PKHD1L1: variants seen among roughly 807,000 people sequenced by gnomAD.
PKHD1L1 encodes the protein fibrocystin-L.
PKHD1L1 carries 434 observed loss-of-function variants against 462.9 expected under a neutral mutation model. The ratio of observed to expected loss-of-function variants is 0.94; its 90% CI spans 0.87 to 1.02. The LOEUF (loss-of-function observed/expected upper bound fraction) is 1.02, where lower values mean the gene tolerates loss of function less well. PKHD1L1 is among the 50% of genes least tolerant of loss of function. The pLI is 0.00. For synonymous variants in PKHD1L1, 1,781 were observed against 1,750.0 expected (o/e 1.02, Z -0.44); for missense variants, 5,202 against 5,096.1 (o/e 1.02, Z -0.63).
intron 59 of PKHD1L1, among the ~76,000 whole-genome samples, chr8:109,487,831 T>C (rs1052910087): frequency 5.5e-5 from 8 of 144,410 alleles, no homozygotes; most frequent in African/African-American, 2.1e-4. Flanking sequence ...CTGGGCACTA[T>C]AGTGAGACCC....
At chr8:109,415,896 TG>T (rs1814142277) in intron 21 of PKHD1L1, among the ~76,000 whole-genome samples, 1 of 149,968 alleles carries the variant, frequency 6.7e-6, no homozygotes, top group Non-Finnish European at 1.5e-5. Flanking sequence ...TGTGTGTGTG[TG>T]TGTGTGTGTA....
rs1035182932 is a variant in PKHD1L1, at chr8:109,442,161, A to G, written c.4359A>G (p.Lys1453=). 1.2e-5 allele frequency: 20 copies of G among 1,612,744 alleles called. No homozygotes were observed. The highest frequency in any genetic ancestry group is 1.7e-5 in the Non-Finnish European group (20 of 1,179,382). Residue 1453 remains lysine, a synonymous_variant, in exon 35 of 78, where the codon AAA becomes AAG. Transcript: ENST00000378402. ...CTGGAAGTGTAATTTATGATGGCAA[A>G]GGATTCACAAGTGGAAGACAAAAAT... is the stretch of plus-strand genomic sequence containing the variant. ...SSPGSVIYDG[K]GFTSGRQKST... is the part of the protein sequence containing the mutation.
At chr8:109,514,792 G>T (rs887047862) in intron 71 of PKHD1L1, among the ~76,000 whole-genome samples, 1 of 151,888 alleles carries the variant, frequency 6.6e-6, no homozygotes, top group Non-Finnish European at 1.5e-5. Flanking sequence ...TTTTTCCAAC[G>T]TTAAGTACCT....
chr8:109,389,178 A>G (rs1586411297), intron 8 of PKHD1L1, 26 bp downstream of exon 8: 4 of 1,560,904 alleles, frequency 2.6e-6, no homozygotes, highest in Non-Finnish European at 3.5e-6. Flanking sequence ...CTTTCTTCAT[A>G]ATGCTCACAG....
chr8:109,441,893 A>G, intron 34 of PKHD1L1, 114 bp from the exon 35 acceptor site: 1 of 745,560 alleles, frequency 1.3e-6, no homozygotes, highest in East Asian at 3.2e-5. Flanking sequence ...ATTAAGTTTT[A>G]GTGTTGATTA....
At position 109,384,138 on chromosome 8, in the gene PKHD1L1, T is replaced by C; in HGVS notation, c.475+11T>C. On this transcript the variant is annotated intron_variant, in intron 5 of 77. Transcript: ENST00000378402. ...TATCTGGAACTCCAGGTCTGTTATA[T>C]GACATCTGAAATAACTTTTGGTTTC... 1 of 1,592,858 alleles carries C rather than the reference T, an allele frequency of 6.3e-7. No homozygotes were observed. The highest frequency in any genetic ancestry group is 1.1e-5 in the South Asian group (1 of 89,720).
rs776634414 is a variant in PKHD1L1, at chr8:109,491,071, G to A, written c.10084G>A (p.Asp3362Asn). 6.2e-7 allele frequency: 1 copy of A among 1,609,186 alleles called. No individual in the cohort carries two copies. Among genetic ancestry groups the A allele is most frequent in the Non-Finnish European group, 8.5e-7 (1 of 1,176,598 alleles). ...TGGGACAGATGGATTGGACATAGATGACAACATCATTCACTTTACAGTGGG... is the reference window on the plus strand; with the variant it reads ...TGGGACAGATGGATTGGACATAGATAACAACATCATTCACTTTACAGTGGG... Reference protein sequence around the residue: ...VFGTDGLDIDDNIIHFTVGEG... With the variant: ...VFGTDGLDIDNNIIHFTVGEG... The change falls in exon 61 of 78, where the codon GAC becomes AAC. Residue 3362 changes from aspartate to asparagine, a missense_variant. Physicochemically the swap from Asp to Asn is conservative, Grantham distance 23. Coordinates refer to ENST00000378402, the MANE Select transcript of PKHD1L1 (RefSeq NM_177531.6).
chr8:109,375,750 A>G (rs1039784145), intron 2 of PKHD1L1, among the ~76,000 whole-genome samples: 54 of 152,082 alleles, frequency 3.6e-4, no homozygotes, highest in African/African-American at 1.3e-3. Context: ...GTCTGTTGGC[A>G]TTTGCTGGAG....
intron 19 of PKHD1L1, 48 bp from the exon 20 acceptor site, chr8:109,412,216 AC>A (rs1813892275): frequency 6.2e-7 from 1 of 1,600,986 alleles, no homozygotes; most frequent in Admixed American, 1.7e-5. Flanking sequence ...TTGGGGGAAA[AC>A]CAGAACAATA....
intron 28 of PKHD1L1, 41 bp downstream of exon 28, chr8:109,433,257 C>A: frequency 6.9e-7 from 1 of 1,443,254 alleles, no homozygotes; most frequent in Non-Finnish European, 9.7e-7. Context: ...TTGTTCTTCT[C>A]TAAGATAAAG....
At chr8:109,504,674 T>C (rs1006650651) in intron 68 of PKHD1L1, among the ~76,000 whole-genome samples, 182 bp downstream of exon 68, 2 of 152,220 alleles carry the variant, frequency 1.3e-5, no homozygotes, top group African/African-American at 4.8e-5. Flanking sequence ...AGATGAGTTT[T>C]TAAAACTGGG....
rs1457286 is a variant in PKHD1L1, at chr8:109,404,584, C to T, written c.1404C>T (p.Tyr468=). The T allele has an allele frequency of 0.56, 880,460 of 1,576,940 alleles. 249,236 individuals carry two copies. Among genetic ancestry groups the T allele is most frequent in the African/African-American group, 0.69 (50,812 of 73,504 alleles). Residue 468 remains tyrosine, a synonymous_variant, in exon 15 of 78, where the codon TAC becomes TAT. Coordinates refer to ENST00000378402, the MANE Select transcript of PKHD1L1 (RefSeq NM_177531.6). ...EYYIEILLQE[Y]RLSAFVDVGL... ...ATATTGAAATCTTGCTGCAGGAGTA[C>T]AGATTAAGTGCATTTGTTGATGTTG... is the stretch of plus-strand genomic sequence containing the variant.
At chr8:109,370,606 C>A (rs1758710472) in intron 2 of PKHD1L1, among the ~76,000 whole-genome samples, 1 of 151,892 alleles carries the variant, frequency 6.6e-6, no homozygotes. Context: ...GTGCTGCACC[C>A]ATTAACTCGT....
At chr8:109,430,774 T>C (rs1445517121) in intron 27 of PKHD1L1, among the ~76,000 whole-genome samples, 1 of 152,164 alleles carries the variant, frequency 6.6e-6, no homozygotes, top group Non-Finnish European at 1.5e-5. Context: ...TATTAAAATT[T>C]TAAAAGTAGT....
In PKHD1L1 at chr8:109,522,798, G is replaced by T. The variant is rs372485762; in HGVS notation, c.12238G>T (p.Val4080Leu). ...SAFPVHHVAFVSSLLVITQPV... is the reference protein window; with the variant it reads ...SAFPVHHVAFLSSLLVITQPV... Reference sequence around the variant, plus strand: ...ATTTCCTGTTCATCACGTGGCCTTCGTGTCCTCACTCTTAGTGATCACTCA... The same window carrying T: ...ATTTCCTGTTCATCACGTGGCCTTCTTGTCCTCACTCTTAGTGATCACTCA... Residue 4080 changes from valine (V) to leucine (L), a missense_variant, in exon 75 of 78, where the codon GTG (valine) becomes TTG (leucine). By Grantham distance (32) the Val-to-Leu change is conservative (BLOSUM62 1). Around this residue, in one of 3 missense-constraint regions of PKHD1L1, gnomAD observed 698 missense variants for 736.3 expected, o/e 0.95. Coordinates refer to ENST00000378402, the MANE Select transcript of PKHD1L1 (RefSeq NM_177531.6). 4.3e-6 allele frequency: 7 copies of T among 1,612,096 alleles called. No individual in the cohort carries two copies. The highest frequency in any genetic ancestry group is 5.9e-6 in the Non-Finnish European group (7 of 1,179,426).
chr8:109,461,911 G>T lies in PKHD1L1; in HGVS notation c.7383+3G>T. The T allele has an allele frequency of 6.3e-7, 1 of 1,594,916 alleles. No individual in the cohort carries two copies. Among genetic ancestry groups the T allele is most frequent in the South Asian group, 1.1e-5 (1 of 87,562 alleles). On this transcript the variant is annotated splice_donor_region_variant and intron_variant, in intron 48 of 77. Coordinates refer to ENST00000378402, the MANE Select transcript of PKHD1L1 (RefSeq NM_177531.6). ...CTGGGAGAATAGAATATGTAGAGGT[G>T]AGAGGCATTATTACTAAATCACAGT... is the stretch of plus-strand genomic sequence containing the variant.
intron 75 of PKHD1L1, 78 bp from the exon 76 acceptor site, chr8:109,523,155 A>C: frequency 7.4e-7 from 1 of 1,343,588 alleles, no homozygotes; most frequent in Non-Finnish European, 1.0e-6. Context: ...CATTTTTAAA[A>C]ATAAAGTTTT....
At chr8:109,489,906 C>A (rs1307076949) in intron 59 of PKHD1L1, 46 bp from the exon 60 acceptor site, 4 of 1,169,974 alleles carry the variant, frequency 3.4e-6, no homozygotes, top group East Asian at 2.4e-5. Flanking sequence ...ATGTTTTATT[C>A]CAACTGTTTT....
chr8:109,389,507 TG>T (rs1373584740), intron 8 of PKHD1L1, among the ~76,000 whole-genome samples: 4 of 43,312 alleles, frequency 9.2e-5, no homozygotes, highest in Admixed American at 8.9e-4. Flanking sequence ...AGAGTGTGTG[TG>T]TGTGTGTGTG....
Sources: gnomAD v4.1 joint callset for allele counts (sites outside exome capture counted in the v4.1 genomes callset) on GRCh38, gnomAD v4.1.1 for gene constraint, gnomAD v4.1.1 regional missense constraint, MANE v1.5 for transcripts, NCBI Gene and HGNC (gene_info 2026-07-23, HGNC 2026-07-21) for gene names.